NAA15: variants seen among roughly 807,000 people sequenced by gnomAD.
NAA15 encodes the protein N-terminal acetyltransferase.
Under a neutral mutation model 114.0 loss-of-function variants are expected in NAA15, and 34 were observed. The observed-to-expected ratio is 0.30, with a 90% CI of 0.23 to 0.40. The LOEUF (loss-of-function observed/expected upper bound fraction) is 0.40, where lower values mean the gene tolerates loss of function less well. Ranked by LOEUF, NAA15 falls within the 10% of genes least tolerant of loss-of-function variation. The pLI is 1.00. For missense variants in NAA15, 658 were observed against 1,004.5 expected, an observed-to-expected ratio of 0.66 and a Z score of 4.66; for synonymous variants, 340 against 338.0, an observed-to-expected ratio of 1.01 and a Z score of -0.06.
At chr4:139,350,469 G>A (rs528563898) in intron 7 of NAA15, among the ~76,000 whole-genome samples, 21 of 152,282 alleles carry the variant, frequency 1.4e-4, no homozygotes, top group South Asian at 8.3e-4. Flanking sequence ...GGATTCAGAC[G>A]TGGTCCCCCA....
At chr4:139,372,920 T>C (rs1474691229) in intron 15 of NAA15, among the ~76,000 whole-genome samples, 3 of 152,144 alleles carry the variant, frequency 2.0e-5, no homozygotes, top group South Asian at 2.1e-4. Context: ...AGGGTCTTGC[T>C]CTGTCACCCA....
In NAA15 at chr4:139,390,973, G is replaced by A. The variant is rs1749044578; in HGVS notation, c.*2889G>A. The A allele has an allele frequency of 6.6e-6, 1 of 152,152 alleles. No homozygotes were observed. Among genetic ancestry groups the A allele is most frequent in the Admixed American group, 6.5e-5 (1 of 15,268 alleles). 9.4% of individuals were successfully genotyped at this position (152,152 alleles called of 1,614,324 possible). A position where few individuals can be genotyped will look rare whatever the true frequency, so the allele number is the denominator to read the frequency against. ...TTCAGGTAGGTTGTGGTAAGTTCAG[G>A]GAAGTCTTGTATGATTTCTAAGAAT... On this transcript the variant is annotated 3_prime_UTR_variant, in exon 20 of 20. Coordinates refer to ENST00000296543, the MANE Select transcript of NAA15 (RefSeq NM_057175.5).
rs554916886 is a variant in NAA15, at chr4:139,343,804, C to T, written c.538-382C>T. The stretch of plus-strand genomic sequence containing the variant: ...TAGCCTATTGCTCATCAAACTTTCA[C>T]CATCTAGTTTTAGCATTCATTGATT... On this transcript the variant is annotated intron_variant, in intron 5 of 19. Coordinates refer to ENST00000296543, the MANE Select transcript of NAA15 (RefSeq NM_057175.5). Among the ~76,000 whole-genome samples, 31 of 152,290 alleles carry T rather than the reference C, an allele frequency of 2.0e-4. No homozygotes were observed. In the South Asian group the frequency reaches 5.4e-3, roughly 26 times the overall value.
In NAA15 at chr4:139,370,215, C is replaced by T. The variant is rs1579130129; in HGVS notation, c.1758C>T (p.Asn586=). ...ENKEHEADTA[N]MSDKELKKLR... ...TAATTAACTTATTGCCTGCAGCAAA[C>T]ATGTCTGACAAAGAGCTAAAGAAGC... Residue 586 remains asparagine, a synonymous_variant, in exon 15 of 20, where the codon AAC becomes AAT. Transcript: ENST00000296543. 1 of 1,529,970 alleles carries T rather than the reference C, an allele frequency of 6.5e-7. No homozygotes were observed. The highest frequency in any genetic ancestry group is 1.3e-5 in the South Asian group (1 of 76,654). 94.8% of individuals were successfully genotyped at this position (1,529,970 alleles called of 1,614,324 possible).
intron 14 of NAA15, among the ~76,000 whole-genome samples, chr4:139,363,220 T>C (rs1748183699): frequency 6.6e-6 from 1 of 152,284 alleles, no homozygotes; most frequent in South Asian, 2.1e-4. Flanking sequence ...CCTCCCTCCT[T>C]CTCTTCTTCA....
intron 11 of NAA15, 73 bp from the exon 12 acceptor site, chr4:139,359,670 C>G (rs1267501606): frequency 2.1e-6 from 3 of 1,407,936 alleles, no homozygotes; most frequent in Admixed American, 5.0e-5. Flanking sequence ...AATTATTTAT[C>G]AACAGATAAT....
At chr4:139,382,846 A>C (rs543236202) in intron 17 of NAA15, among the ~76,000 whole-genome samples, 1 of 152,292 alleles carries the variant, frequency 6.6e-6, no homozygotes, top group South Asian at 2.1e-4. Context: ...TATTCAGCTA[A>C]TAATTATGTA....
At chr4:139,314,735 T>C (rs1261108213) in intron 1 of NAA15, among the ~76,000 whole-genome samples, 1 of 151,840 alleles carries the variant, frequency 6.6e-6, no homozygotes, top group Non-Finnish European at 1.5e-5. Flanking sequence ...TGGAGTGCAG[T>C]CGCATGATCT....
rs573896623 is a variant in NAA15, at chr4:139,313,736, G to T, written c.54+11905G>T. Among the ~76,000 whole-genome samples, 5 of 151,682 alleles carry T rather than the reference G, an allele frequency of 3.3e-5. No individual in the cohort carries two copies. In the East Asian group the frequency reaches 7.8e-4, roughly 24 times the overall value. The stretch of plus-strand genomic sequence containing the variant: ...ATTTTGTAATTTTAGTAGAGACAGG[G>T]TTTCTCCATTGGCTGGCCTCTAACT... On this transcript the variant is annotated intron_variant, in intron 1 of 19. Transcript: ENST00000296543.
chr4:139,301,705 G>T lies in NAA15; in HGVS notation c.-73G>T. The T allele has an allele frequency of 6.6e-7, 1 of 1,504,162 alleles. No homozygotes were observed. The highest frequency in any genetic ancestry group is 2.6e-5 in the East Asian group (1 of 39,190). 93.2% of individuals were successfully genotyped at this position (1,504,162 alleles called of 1,614,324 possible). A position where few individuals can be genotyped will look rare whatever the true frequency, so the allele number is the denominator to read the frequency against. ...TTCAAGGCTGAAGCAGCTACGGAAC[G>T]GCAGCGGCGGCGGTCGGACAAACTG... On this transcript the variant is annotated 5_prime_UTR_variant, in exon 1 of 20. Transcript: ENST00000296543.
At chr4:139,339,852 C>T (rs941445341) in intron 3 of NAA15, among the ~76,000 whole-genome samples, 9 of 152,148 alleles carry the variant, frequency 5.9e-5, no homozygotes, top group Non-Finnish European at 1.2e-4. Context: ...GGTTGGGTAG[C>T]TGGTACAGTA....
At chr4:139,357,743 A>G (rs1275058738) in intron 11 of NAA15, among the ~76,000 whole-genome samples, 188 bp downstream of exon 11, 1 of 152,210 alleles carries the variant, frequency 6.6e-6, no homozygotes, top group Non-Finnish European at 1.5e-5. Context: ...TTGGTGATTT[A>G]TCTATATCCG....
At chr4:139,316,513 G>A (rs1463884332) in intron 1 of NAA15, among the ~76,000 whole-genome samples, 1 of 151,830 alleles carries the variant, frequency 6.6e-6, no homozygotes, top group African/African-American at 2.4e-5. Context: ...CATTTGAGGT[G>A]TTCTTTTATG....
rs1748991449 is a variant in NAA15, at chr4:139,389,391, G to A, written c.*1307G>A. On this transcript the variant is annotated 3_prime_UTR_variant, in exon 20 of 20. Coordinates refer to ENST00000296543, the MANE Select transcript of NAA15 (RefSeq NM_057175.5). ...TACACAGGTGGAAACAGAGGTGCAA[G>A]CCAGAGGCAATGTAATATGCTGTAA... 1 of 152,546 alleles carries A rather than the reference G, an allele frequency of 6.6e-6. No homozygotes were observed. The allele number at this position is 152,546 out of a possible 1,614,324, so 9.4% of individuals were successfully genotyped here. A position where few individuals can be genotyped will look rare whatever the true frequency, so the allele number is the denominator to read the frequency against.
rs1294557568 is a variant in NAA15, at chr4:139,333,615, G to A, written c.55-559G>A. ...AAACTAGCTGGGCATAGTGGCTCAT[G>A]CCTGTTATCCCAGCCCCTGGGGAGG... On this transcript the variant is annotated intron_variant, in intron 1 of 19. Coordinates refer to ENST00000296543, the MANE Select transcript of NAA15 (RefSeq NM_057175.5). Among the ~76,000 whole-genome samples the A allele has an allele frequency of 2.6e-5, 4 of 152,198 alleles. 1 individual carries two copies. The East Asian group carries it at 7.7e-4, about 29-fold the overall frequency.
At position 139,344,082 on chromosome 4, in the gene NAA15, C is replaced by T. The variant is rs189825327; in HGVS notation, c.538-104C>T. 19 of 984,350 alleles carry T rather than the reference C, an allele frequency of 1.9e-5. No individual in the cohort carries two copies. In the Admixed American group the frequency reaches 2.2e-4, roughly 11 times the overall value. The allele number at this position is 984,350 out of a possible 1,614,324, so 61.0% of individuals were successfully genotyped here. ...TTTTTTAAAAATTAGTTTTATCAAC[C>T]GGATGTTATCCTTTGACTTCTTACA... On this transcript the variant is annotated intron_variant, in intron 5 of 19. Coordinates refer to ENST00000296543, the MANE Select transcript of NAA15 (RefSeq NM_057175.5).
At chr4:139,366,229 A>G (rs1312834892) in intron 14 of NAA15, among the ~76,000 whole-genome samples, 1 of 152,060 alleles carries the variant, frequency 6.6e-6, no homozygotes, top group East Asian at 1.9e-4. Context: ...TCTCTTAGGA[A>G]GTTGTAGTTG....
In NAA15 at chr4:139,310,549, G is replaced by C. The variant is rs1381935222; in HGVS notation, c.54+8718G>C. Among the ~76,000 whole-genome samples the C allele has an allele frequency of 4.0e-5, 6 of 151,472 alleles. No homozygotes were observed. The East Asian group carries it at 1.2e-3, about 29-fold the overall frequency. ...TCAGAATTTTCTCCCCCAGATACCTGTGTGACTCATTTTTCTTATTTGTTT... is the reference window on the plus strand; with the variant it reads ...TCAGAATTTTCTCCCCCAGATACCTCTGTGACTCATTTTTCTTATTTGTTT... On this transcript the variant is annotated intron_variant, in intron 1 of 19. Transcript: ENST00000296543.
intron 1 of NAA15, 105 bp downstream of exon 1, chr4:139,301,936 C>T: frequency 1.6e-6 from 2 of 1,261,222 alleles, no homozygotes; most frequent in South Asian, 1.4e-5. Context: ...CCGCCCGGGA[C>T]CCCGCCTTCA....
Sources: gnomAD v4.1 joint callset for allele counts (sites outside exome capture counted in the v4.1 genomes callset) on GRCh38, gnomAD v4.1.1 for gene constraint, MANE v1.5 for transcripts, NCBI Gene and HGNC (gene_info 2026-07-23, HGNC 2026-07-21) for gene names.